The following DAZAP2 variants were observed in gnomAD, a reference collection of about 807,000 sequenced individuals.
DAZAP2 encodes the protein DAZ-associated protein 2.
A neutral mutation model predicts 16.2 loss-of-function variants in DAZAP2; 3 were observed. The ratio of observed to expected loss-of-function variants is 0.19; its 90% CI spans 0.08 to 0.48. The LOEUF (loss-of-function observed/expected upper bound fraction) is 0.48. DAZAP2 is among the 20% of genes least tolerant of loss of function. The probability of loss-of-function intolerance (pLI) is 0.98; values close to 1 mark genes in which losing one functional copy is unlikely to be tolerated. For missense variants in DAZAP2, 172 were observed against 215.9 expected, an observed-to-expected ratio of 0.80 and a Z score of 1.27; for synonymous variants, 69 against 77.6, an observed-to-expected ratio of 0.89 and a Z score of 0.58.
At chr12:51,238,972 G>A in intron 1 of DAZAP2, 52 bp downstream of exon 1, 1 of 1,607,642 alleles carries the variant, frequency 6.2e-7, no homozygotes, top group Non-Finnish European at 8.5e-7. Context: ...CTGGCCCAGA[G>A]CGAGCGGATT....
In DAZAP2 at chr12:51,240,930, A is replaced by T. The variant is rs745850350; in HGVS notation, c.192A>T (p.Ala64=). The change falls in exon 3 of 4, where the codon GCA becomes GCT. Residue 64 remains alanine, a synonymous_variant. Coordinates refer to ENST00000412716, the MANE Select transcript of DAZAP2 (RefSeq NM_014764.4). ...CCACAGTCCCCACCATGTCAGCCGC[A>T]TTTCCTGGAGCCTCTCTGTATCTTC... ...GAATVPTMSA[A]FPGASLYLPM... 3 of 1,614,034 alleles carry T rather than the reference A, an allele frequency of 1.9e-6. No individual in the cohort carries two copies. The highest frequency in any genetic ancestry group is 1.3e-5 in the African/African-American group (1 of 74,908).
At chr12:51,245,243 C>G (rs986501607), downstream of DAZAP2, 7 of 152,066 alleles carry the variant, frequency 4.6e-5, no homozygotes, top group African/African-American at 1.7e-4. Context: ...GTTCTTATTG[C>G]TTGGAAGAGA....
At position 51,240,368 on chromosome 12, in the gene DAZAP2, C is replaced by T. The variant is rs143022125; in HGVS notation, c.39C>T (p.Tyr13=). Residue 13 remains tyrosine (Y), a synonymous_variant, in exon 2 of 4, where the codon TAC becomes TAT. Transcript: ENST00000412716. Reference sequence around the variant, plus strand: ...GTCAATATCCAACACAGCCAACCTACCCTGTGCAGCCTCCTGGGAATCCAG... The same window carrying T: ...GTCAATATCCAACACAGCCAACCTATCCTGTGCAGCCTCCTGGGAATCCAG... ...SKGQYPTQPT[Y]PVQPPGNPVY... The T allele has an allele frequency of 3.7e-5, 59 of 1,613,946 alleles. No homozygotes were observed. The African/African-American group carries it at 7.1e-4, about 19-fold the overall frequency.
chr12:51,242,653 A>G lies in DAZAP2; in HGVS notation c.*195A>G, dbSNP rs1300666893. 1 of 1,541,278 alleles carries G rather than the reference A, an allele frequency of 6.5e-7. No homozygotes were observed. The highest frequency in any genetic ancestry group is 8.8e-7 in the Non-Finnish European group (1 of 1,141,914). The stretch of plus-strand genomic sequence containing the variant: ...TGTAATGGTAGCAGTACCTCCCTAA[A>G]GCATTTTGAGGTAGGGGAGGTATCC... On this transcript the variant is annotated 3_prime_UTR_variant, in exon 4 of 4. Transcript: ENST00000412716.
At chr12:51,243,942 CATT>C, downstream of DAZAP2, 1 of 981,946 alleles carries the variant, frequency 1.0e-6, no homozygotes, top group Non-Finnish European at 1.2e-6. Context: ...AAGACTTGAT[CATT>C]TCATGAATTC....
downstream of DAZAP2, chr12:51,245,619 A>G (rs1944757752): frequency 3.8e-6 from 1 of 265,616 alleles, no homozygotes; most frequent in African/African-American, 2.2e-5. Flanking sequence ...TTAACTCAAA[A>G]TCTTTTCTCT....
downstream of DAZAP2, chr12:51,246,339 G>T: frequency 1.7e-6 from 1 of 581,854 alleles, no homozygotes; most frequent in Non-Finnish European, 2.8e-6. Flanking sequence ...ACATGCTTTT[G>T]ATTTCTGACA....
chr12:51,245,983 ACT>A (rs1944763977), downstream of DAZAP2: 2 of 1,613,476 alleles, frequency 1.2e-6, no homozygotes. Flanking sequence ...TGGCCAAGTC[ACT>A]CTCCATCTGG....
chr12:51,242,380 G>C lies in DAZAP2; in HGVS notation c.429G>C (p.Gln143His), dbSNP rs1359748571. 1 of 1,613,622 alleles carries C rather than the reference G, an allele frequency of 6.2e-7. No homozygotes were observed. The highest frequency in any genetic ancestry group is 1.3e-5 in the African/African-American group (1 of 75,028). ...PPNAAQLAVM[Q>H]GANVLVTQRK... ...ATGCTGCTCAGCTTGCAGTCATGCA[G>C]GGAGCCAACGTCCTCGTAACTCAGC... The change falls in exon 4 of 4, where the codon CAG (glutamine) becomes CAC (histidine). Residue 143 changes from glutamine (Q) to histidine (H), a missense_variant. By Grantham distance (24) the Gln-to-His change is conservative. Transcript: ENST00000412716.
chr12:51,239,983 C>A, intron 1 of DAZAP2: 1 of 242,370 alleles, frequency 4.1e-6, no homozygotes, highest in Non-Finnish European at 8.1e-6. Context: ...TGTAGACAGG[C>A]TGTGGAGACT....
rs141787286 is a variant in DAZAP2, at chr12:51,243,922, G to A, written c.*1464G>A. ...ATGACGCTTTGAAATAAAGGCAGGA[G>A]TACAAGCCTAAGACTTGATCATTTC... On this transcript the variant is annotated 3_prime_UTR_variant, in exon 4 of 4. Transcript: ENST00000412716. 1.7e-3 allele frequency: 1,666 copies of A among 984,948 alleles called. 1 individual carries two copies. Among genetic ancestry groups the A allele is most frequent in the Non-Finnish European group, 1.9e-3 (1,595 of 829,552 alleles). 61.0% of individuals were successfully genotyped at this position (984,948 alleles called of 1,614,324 possible).
At chr12:51,246,103 G>C, downstream of DAZAP2, 1 of 1,613,906 alleles carries the variant, frequency 6.2e-7, no homozygotes, top group African/African-American at 1.3e-5. Flanking sequence ...GGGTGAGGAA[G>C]ACAACGGTGA....
Position 51,238,838 on chromosome 12 carries a change from G to C in DAZAP2, c.-70G>C, listed in dbSNP as rs1015763039. 1.7e-5 allele frequency: 28 copies of C among 1,610,580 alleles called. No individual in the cohort carries two copies. Among genetic ancestry groups the C allele is most frequent in the Non-Finnish European group, 2.4e-5 (28 of 1,179,332 alleles). On this transcript the variant is annotated 5_prime_UTR_variant, in exon 1 of 4. Coordinates refer to ENST00000412716, the MANE Select transcript of DAZAP2 (RefSeq NM_014764.4). Reference sequence around the variant, plus strand: ...CGGACCATCATGTGACACGGAAGTAGCTCCGAACAGGAAGAGGACGAAAAA... The same window carrying C: ...CGGACCATCATGTGACACGGAAGTACCTCCGAACAGGAAGAGGACGAAAAA...
chr12:51,246,000 T>C (rs189016395), downstream of DAZAP2: 162 of 1,613,968 alleles, frequency 1.0e-4, no homozygotes, highest in East Asian at 3.4e-3. Context: ...ATCTGGACGA[T>C]GGCACTGGGC....
rs749397615 is a variant in DAZAP2 at position 51,243,587 on chromosome 12, TTTATC to T, written c.*1134_*1138del. The stretch of plus-strand genomic sequence containing the variant: ...TTTCTGAAATTGGATTTTATTTTAT[TTTATC>T]TTATAATTTCAGTTCATCTAAATTG... On this transcript the variant is annotated 3_prime_UTR_variant, in exon 4 of 4. Coordinates refer to ENST00000412716, the MANE Select transcript of DAZAP2 (RefSeq NM_014764.4). 83 of 974,180 alleles carry T rather than the reference TTTATC, an allele frequency of 8.5e-5. No individual in the cohort carries two copies. In the African/African-American group the frequency reaches 9.1e-4, roughly 11 times the overall value. 60.3% of individuals were successfully genotyped at this position (974,180 alleles called of 1,614,324 possible).
In DAZAP2 at chr12:51,240,415, T is replaced by C; in HGVS notation, c.86T>C (p.Leu29Pro). ...GNPVYPQTLH[L>P]PQAPPYTDAP... ...CCAGTATACCCTCAGACCTTGCATC[T>C]TCCTCAGGCTCCACCCTATACCGAT... Residue 29 changes from leucine to proline, a missense_variant, in exon 2 of 4, where the codon CTT (leucine) becomes CCT (proline). Leu to Pro is a moderately conservative substitution (Grantham distance 98). Coordinates refer to ENST00000412716, the MANE Select transcript of DAZAP2 (RefSeq NM_014764.4). 1 of 1,614,158 alleles carries C rather than the reference T, an allele frequency of 6.2e-7. No homozygotes were observed. Among genetic ancestry groups the C allele is most frequent in the Non-Finnish European group, 8.5e-7 (1 of 1,180,034 alleles).
chr12:51,238,970 G>A (rs1592224772), intron 1 of DAZAP2, 50 bp downstream of exon 1: 1 of 1,607,922 alleles, frequency 6.2e-7, no homozygotes, highest in Non-Finnish European at 8.5e-7. Context: ...TGCTGGCCCA[G>A]AGCGAGCGGA....
Position 51,242,262 on chromosome 12 carries a change from C to T in DAZAP2, c.379-68C>T, listed in dbSNP as rs529245061. 10 of 1,513,182 alleles carry T rather than the reference C, an allele frequency of 6.6e-6. No individual in the cohort carries two copies. In the East Asian group the frequency reaches 9.1e-5, roughly 14 times the overall value. The allele number at this position is 1,513,182 out of a possible 1,614,324, so 93.7% of individuals were successfully genotyped here. A position where few individuals can be genotyped will look rare whatever the true frequency, so the allele number is the denominator to read the frequency against. ...ATTGCCTCATCCTAACAGGCCTCTGCTTCCCCTATGTCCCCTTCGCTTATA... is the reference window on the plus strand; with the variant it reads ...ATTGCCTCATCCTAACAGGCCTCTGTTTCCCCTATGTCCCCTTCGCTTATA... On this transcript the variant is annotated intron_variant, in intron 3 of 3. Coordinates refer to ENST00000412716, the MANE Select transcript of DAZAP2 (RefSeq NM_014764.4).
At position 51,238,950 on chromosome 12, in the gene DAZAP2, G is replaced by A. The variant is rs767379825; in HGVS notation, c.13+30G>A. On this transcript the variant is annotated intron_variant, in intron 1 of 3. Coordinates refer to ENST00000412716, the MANE Select transcript of DAZAP2 (RefSeq NM_014764.4). ...GGACCGAGGGTGGCAGAGGCCGTCG[G>A]GGGGAGTACTGCTGGCCCAGAGCGA... The A allele has an allele frequency of 6.2e-6, 10 of 1,612,700 alleles. No homozygotes were observed. The East Asian group carries it at 1.3e-4, about 22-fold the overall frequency.
Sources: gnomAD v4.1 joint callset for allele counts on GRCh38, gnomAD v4.1.1 for gene constraint, MANE v1.5 for transcripts, NCBI Gene and HGNC (gene_info 2026-07-23, HGNC 2026-07-21) for gene names.